The following LOXL2 variants were observed in gnomAD, a reference collection of about 807,000 sequenced individuals.
LOXL2 encodes lysyl oxidase homolog 2.
A neutral mutation model predicts 93.0 loss-of-function variants in LOXL2; 70 were observed. The ratio of observed to expected loss-of-function variants is 0.75; its 90% confidence interval spans 0.62 to 0.92. LOXL2 has a LOEUF of 0.92. LOXL2 is among the 40% of genes least tolerant of loss of function. The pLI, the probability that LOXL2 is intolerant of heterozygous loss-of-function variation, is 0.00. For missense variants in LOXL2, 973 were observed against 1,054.9 expected (o/e 0.92, Z 1.08); for synonymous variants, 438 against 413.2 (o/e 1.06, Z -0.73).
chr8:23,321,628 T>A (rs1803498560), intron 7 of LOXL2: 1 of 159,058 alleles, frequency 6.3e-6, no homozygotes, highest in East Asian at 1.8e-4. Context: ...GGTCAAGCCC[T>A]TTCCAAGTCT....
chr8:23,338,832 G>A (rs1284011178), intron 4 of LOXL2, among the ~76,000 whole-genome samples: 2 of 152,182 alleles, frequency 1.3e-5, no homozygotes, highest in Non-Finnish European at 2.9e-5. Flanking sequence ...CAGAGCTTCT[G>A]AGCTGGCCCT....
At chr8:23,368,775 T>A (rs1379768560) in intron 1 of LOXL2, among the ~76,000 whole-genome samples, 1 of 152,112 alleles carries the variant, frequency 6.6e-6, no homozygotes, top group Non-Finnish European at 1.5e-5. Flanking sequence ...GGCTGGCGAC[T>A]CAGAGGGGGC....
rs145801589 is a variant in LOXL2, at chr8:23,300,728, C to A, written c.2133+1299G>T. Among the ~76,000 whole-genome samples, 95 of 152,254 alleles carry A rather than the reference C, an allele frequency of 6.2e-4. 1 individual carries two copies. The Middle Eastern group carries it at 0.01, about 16-fold the overall frequency. ...CCGTGAAATGAGGGTAATGATGATG[C>A]CCCTTCCTTGGGAGATTAAATCAAA... On this transcript the variant is annotated intron_variant, in intron 12 of 13. Coordinates refer to ENST00000389131, the MANE Select transcript of LOXL2 (RefSeq NM_002318.3).
chr8:23,341,252 T>C, intron 3 of LOXL2, 49 bp from the exon 4 acceptor site: 1 of 1,445,876 alleles, frequency 6.9e-7, no homozygotes, highest in Non-Finnish European at 9.7e-7. Flanking sequence ...CTGGCCTGGC[T>C]GCAGAGACAC....
intron 1 of LOXL2, among the ~76,000 whole-genome samples, chr8:23,392,877 A>G (rs930883957): frequency 1.3e-5 from 2 of 152,240 alleles, no homozygotes; most frequent in Non-Finnish European, 2.9e-5. Context: ...TACAGGATAC[A>G]ATATCAACAT....
intron 6 of LOXL2, among the ~76,000 whole-genome samples, chr8:23,325,450 T>C (rs1054556135): frequency 1.3e-5 from 2 of 152,138 alleles, no homozygotes; most frequent in African/African-American, 4.8e-5. Context: ...CCACCATGTC[T>C]GGCTAATTTT....
At chr8:23,339,322 C>T (rs1157974660) in intron 4 of LOXL2, among the ~76,000 whole-genome samples, 1 of 152,190 alleles carries the variant, frequency 6.6e-6, no homozygotes, top group Non-Finnish European at 1.5e-5. Context: ...GCAGACAGCA[C>T]CACCCACCAC....
chr8:23,336,859 A>G (rs1011380904), intron 4 of LOXL2: 4 of 152,176 alleles, frequency 2.6e-5, no homozygotes, highest in Admixed American at 6.6e-5. Context: ...CATCCTGGTG[A>G]AAGGTGTCTT....
intron 1 of LOXL2, chr8:23,402,677 G>C (rs1800167808): frequency 6.6e-6 from 1 of 152,076 alleles, no homozygotes; most frequent in Admixed American, 6.6e-5. Context: ...GGACAGGCTA[G>C]CAGTGGTGTA....
intron 5 of LOXL2, 127 bp downstream of exon 5, chr8:23,333,274 G>A (rs1585354710): frequency 1.2e-6 from 1 of 829,478 alleles, no homozygotes; most frequent in Non-Finnish European, 1.9e-6. Context: ...TCAGAGTAAA[G>A]CAGCCACAAT....
chr8:23,379,430 C>G (rs1804642730), intron 1 of LOXL2, among the ~76,000 whole-genome samples: 3 of 152,172 alleles, frequency 2.0e-5, no homozygotes, highest in Admixed American at 2.0e-4. Context: ...ATCTCAAACT[C>G]CATGCTGGGA....
At chr8:23,384,909 A>AAAAC (rs1173026445) in intron 1 of LOXL2, among the ~76,000 whole-genome samples, 2 of 152,172 alleles carry the variant, frequency 1.3e-5, no homozygotes, top group South Asian at 4.1e-4. Flanking sequence ...CCGTCTCAAG[A>AAAAC]AAACAAACAA....
chr8:23,335,059 C>T (rs1803768014), intron 4 of LOXL2, among the ~76,000 whole-genome samples: 1 of 152,140 alleles, frequency 6.6e-6, no homozygotes, highest in Admixed American at 6.6e-5. Flanking sequence ...AGGTAATCTG[C>T]CTCCCTCGGC....
At chr8:23,386,149 A>G (rs544203634) in intron 1 of LOXL2, 1 of 695,676 alleles carries the variant, frequency 1.4e-6, no homozygotes, top group Non-Finnish European at 2.6e-6. Flanking sequence ...CAGATACCAG[A>G]GCAGACACCC....
intron 1 of LOXL2, among the ~76,000 whole-genome samples, chr8:23,385,335 G>A (rs112782326): frequency 4.8e-5 from 7 of 145,990 alleles, no homozygotes; most frequent in Admixed American, 2.1e-4. Flanking sequence ...CAACCTCTGC[G>A]TCCCAGGTTC....
intron 5 of LOXL2, 144 bp from the exon 6 acceptor site, chr8:23,328,709 A>ATGTGTGTGTG (rs60768341): frequency 0.016 from 7,282 of 459,462 alleles, 88 homozygotes; most frequent in South Asian, 0.03. Flanking sequence ...TGATGTATGG[A>ATGTGTGTGTG]TGTGTGTGTG....
intron 1 of LOXL2, among the ~76,000 whole-genome samples, chr8:23,370,399 C>T (rs1804475672): frequency 6.6e-6 from 1 of 152,180 alleles, no homozygotes; most frequent in South Asian, 2.1e-4. Context: ...TCTGGCTCTG[C>T]CACCGGACCC....
At chr8:23,346,781 CCT>C (rs1803996235) in intron 3 of LOXL2, among the ~76,000 whole-genome samples, 1 of 152,176 alleles carries the variant, frequency 6.6e-6, no homozygotes, top group Non-Finnish European at 1.5e-5. Flanking sequence ...TCTCCTTCCC[CCT>C]GTTCTAGAAG....
intron 1 of LOXL2, among the ~76,000 whole-genome samples, chr8:23,385,017 G>C (rs988108147): frequency 3.9e-5 from 6 of 152,202 alleles, no homozygotes; most frequent in Non-Finnish European, 7.3e-5. Flanking sequence ...TGGGGTTCTG[G>C]TAATTTTATC....
Sources: allele counts gnomAD v4.1 joint callset (sites outside exome capture counted in the v4.1 genomes callset), GRCh38; gene constraint gnomAD v4.1.1; transcripts MANE v1.5; gene names NCBI Gene and HGNC (gene_info 2026-07-23, HGNC 2026-07-21).